The following RFC5 variants were observed in gnomAD, a reference collection of about 807,000 sequenced individuals.
RFC5 encodes replication factor C subunit 5.
In RFC5, 26 loss-of-function variants were observed where a neutral mutation model predicts 44.3. The observed-to-expected ratio is 0.59, with a 90% CI of 0.43 to 0.81. The LOEUF is 0.81. Ranked by LOEUF, RFC5 falls within the 40% of genes least tolerant of loss-of-function variation. The probability of loss-of-function intolerance (pLI) is 0.00; values close to 1 mark genes in which losing one functional copy is unlikely to be tolerated. For missense variants in RFC5, 328 were observed against 418.6 expected (o/e 0.78, Z 1.89); for synonymous variants, 155 against 155.2 (o/e 1.00, Z 0.01).
At chr12:118,041,258 G>A in the RFC5 span, among the ~76,000 whole-genome samples, 1 of 152,142 alleles carries the variant, frequency 6.6e-6, no homozygotes, top group African/African-American at 2.4e-5. Context: ...TGAAGCCTCA[G>A]GAATGGGATT....
intron 6 of RFC5, chr12:118,025,366 T>C: frequency 3.1e-6 from 1 of 317,662 alleles, no homozygotes; most frequent in Non-Finnish European, 5.8e-6. Context: ...CATCACATTC[T>C]GTGTAGTCAG....
At chr12:118,034,995 A>G, downstream of RFC5, 1 of 1,614,152 alleles carries the variant, frequency 6.2e-7, no homozygotes, top group Non-Finnish European at 8.5e-7. Context: ...CCCTGTGGCA[A>G]TGACTCCACC....
downstream of RFC5, chr12:118,034,406 G>C (rs760071172): frequency 6.3e-7 from 1 of 1,599,206 alleles, no homozygotes; most frequent in Non-Finnish European, 8.5e-7. Context: ...GGATGTTCAT[G>C]TTTTCATGAG....
chr12:118,027,602 G>A (rs370045329), intron 8 of RFC5, among the ~76,000 whole-genome samples: 16 of 151,826 alleles, frequency 1.1e-4, no homozygotes, highest in African/African-American at 3.4e-4. Flanking sequence ...AACCCGGGAG[G>A]CAGAGGTTGC....
intron 9 of RFC5, among the ~76,000 whole-genome samples, chr12:118,028,959 G>A (rs759294795): frequency 1.3e-5 from 2 of 152,214 alleles, no homozygotes; most frequent in African/African-American, 2.4e-5. Flanking sequence ...AGACTTAACC[G>A]GGTCAATGAA....
At chr12:118,035,068 G>C (rs1593461105), downstream of RFC5, 1 of 1,614,208 alleles carries the variant, frequency 6.2e-7, no homozygotes, top group Non-Finnish European at 8.5e-7. Context: ...GGAGTTTTCA[G>C]TTCCAGGGCC....
At chr12:118,034,584 T>TCTCTC (rs2031459723), downstream of RFC5, 1 of 520,578 alleles carries the variant, frequency 1.9e-6, no homozygotes, top group Non-Finnish European at 3.3e-6. Flanking sequence ...GCTCTCTCTG[T>TCTCTC]CTCTCTCTCG....
chr12:118,040,089 C>T, the RFC5 span, among the ~76,000 whole-genome samples: 26 of 152,098 alleles, frequency 1.7e-4, no homozygotes, highest in African/African-American at 6.3e-4. Flanking sequence ...AGGAGGATCA[C>T]TGGAGCCCAG....
chr12:118,029,394 G>T (rs181487942), intron 9 of RFC5, among the ~76,000 whole-genome samples: 1 of 152,344 alleles, frequency 6.6e-6, no homozygotes, highest in Admixed American at 6.5e-5. Flanking sequence ...TGGCACTCCA[G>T]CCTGGGCAAG....
intron 6 of RFC5, 97 bp from the exon 7 acceptor site, chr12:118,025,650 C>T (rs560582949): frequency 9.5e-5 from 70 of 734,224 alleles, no homozygotes; most frequent in Admixed American, 5.5e-4. Context: ...TTCCTTCATC[C>T]CTTTAAAGCC....
At chr12:118,033,838 C>T (rs971310487), downstream of RFC5, 32 of 263,524 alleles carry the variant, frequency 1.2e-4, no homozygotes, top group Non-Finnish European at 2.2e-4. Flanking sequence ...GCTGCTCTGC[C>T]ACTAGAGAGG....
At chr12:118,025,134 G>A (rs2137719941) in intron 6 of RFC5, 124 bp downstream of exon 6, 2 of 771,954 alleles carry the variant, frequency 2.6e-6, no homozygotes, top group Non-Finnish European at 2.0e-6. Context: ...CTAGCACAGG[G>A]GAGGCACTGG....
chr12:118,023,507 GGGA>G (rs201689875), intron 5 of RFC5, among the ~76,000 whole-genome samples: 15 of 137,856 alleles, frequency 1.1e-4, no homozygotes, highest in South Asian at 4.8e-4. Context: ...GGAGAGGTGG[GGGA>G]GGAGGAGGAG....
chr12:118,017,636 CAGA>C (rs1039635236), intron 1 of RFC5: 41 of 1,026,574 alleles, frequency 4.0e-5, no homozygotes, highest in Non-Finnish European at 7.3e-6. Context: ...AAAAAAAACC[CAGA>C]AGATTGACAG....
chr12:118,024,115 G>A (rs5745852), intron 5 of RFC5, among the ~76,000 whole-genome samples: 3,974 of 152,070 alleles, frequency 0.026, 109 homozygotes, highest in Non-Finnish European at 0.031. Flanking sequence ...GCCAAGGCGG[G>A]CGAATCATGA....
downstream of RFC5, among the ~76,000 whole-genome samples, chr12:118,036,719 C>T (rs1336014434): frequency 1.3e-5 from 2 of 152,270 alleles, no homozygotes; most frequent in East Asian, 3.9e-4. Flanking sequence ...AATGGGCATG[C>T]TCAAGGAGCT....
intron 4 of RFC5, among the ~76,000 whole-genome samples, chr12:118,021,640 T>TAAA (rs563284021): frequency 7.5e-6 from 1 of 133,570 alleles, no homozygotes; most frequent in Non-Finnish European, 1.6e-5. Flanking sequence ...GGATGGTGGC[T>TAAA]AAAAAAAAAA....
chr12:118,020,817 T>G (rs1192241557), intron 3 of RFC5, 89 bp from the exon 4 acceptor site: 4 of 773,344 alleles, frequency 5.2e-6, no homozygotes, highest in Non-Finnish European at 9.0e-6. Flanking sequence ...CCTGCTGAGC[T>G]GGACTGATGA....
chr12:118,034,187 T>C (rs758947412), downstream of RFC5: 13 of 1,614,084 alleles, frequency 8.1e-6, no homozygotes, highest in South Asian at 1.2e-4. Context: ...GCACAAGATG[T>C]GGTGTTGCTT....
Sources: gnomAD v4.1 joint callset for allele counts (sites outside exome capture counted in the v4.1 genomes callset) on GRCh38, gnomAD v4.1.1 for gene constraint, MANE v1.5 for transcripts, NCBI Gene and HGNC (gene_info 2026-07-23, HGNC 2026-07-21) for gene names.